Variants in TUSC3 observed in about 807,000 individuals in gnomAD.
TUSC3 encodes the protein dolichyl-diphosphooligosaccharide--protein glycosyltransferase subunit TUSC3.
In TUSC3, 45 loss-of-function variants were observed where a neutral mutation model predicts 44.8. The observed-to-expected ratio is 1.00, with a 90% CI of 0.79 to 1.29. The LOEUF (loss-of-function observed/expected upper bound fraction) is 1.29. Among genes scored for constraint, TUSC3 ranks in the 50% most tolerant of loss-of-function variants. The pLI is 0.00. For synonymous variants in TUSC3, 212 were observed against 152.9 expected, an observed-to-expected ratio of 1.39 and a Z score of -2.85; for missense variants, 519 against 437.9, an observed-to-expected ratio of 1.19 and a Z score of -1.65.
intron 2 of TUSC3, among the ~76,000 whole-genome samples, chr8:15,499,679 G>T (rs1410728407): frequency 6.6e-6 from 1 of 152,080 alleles, no homozygotes; most frequent in Non-Finnish European, 1.5e-5. Flanking sequence ...ATTATTCTGG[G>T]TGTGTCTGTG....
chr8:15,475,337 T>G (rs1425061459), intron 1 of TUSC3, among the ~76,000 whole-genome samples: 1 of 152,210 alleles, frequency 6.6e-6, no homozygotes, highest in East Asian at 1.9e-4. Context: ...GTTAATTTTC[T>G]ACACTGCATC....
chr8:15,688,794 C>G (rs1350244064), intron 6 of TUSC3: 1 of 153,496 alleles, frequency 6.5e-6, no homozygotes, highest in Admixed American at 6.5e-5. Context: ...ATGATCAGCT[C>G]TAAACACAAA....
chr8:15,799,823 C>G, the TUSC3 span, among the ~76,000 whole-genome samples: 1 of 152,132 alleles, frequency 6.6e-6, no homozygotes, highest in East Asian at 1.9e-4. Flanking sequence ...TCATGGATGT[C>G]GATAGACCTC....
intron 6 of TUSC3, among the ~76,000 whole-genome samples, chr8:15,719,866 C>G (rs1186259545): frequency 6.6e-6 from 1 of 152,132 alleles, no homozygotes; most frequent in South Asian, 2.1e-4. Flanking sequence ...AGATCCAAAT[C>G]ATTTGTGTAT....
At chr8:15,653,553 A>G (rs1807013559) in intron 3 of TUSC3, among the ~76,000 whole-genome samples, 1 of 152,170 alleles carries the variant, frequency 6.6e-6, no homozygotes, top group Non-Finnish European at 1.5e-5. Flanking sequence ...TAATTGAAAC[A>G]TTTTCTCAGG....
At chr8:15,422,676 G>T (rs1799752229) in intron 1 of TUSC3, among the ~76,000 whole-genome samples, 1 of 152,034 alleles carries the variant, frequency 6.6e-6, no homozygotes, top group Non-Finnish European at 1.5e-5. Flanking sequence ...TTTTGTGACA[G>T]GGTCTCACTC....
intron 9 of TUSC3, among the ~76,000 whole-genome samples, chr8:15,757,254 T>C (rs1449939709): frequency 6.6e-6 from 1 of 152,150 alleles, no homozygotes; most frequent in African/African-American, 2.4e-5. Context: ...GTGGCTTCCA[T>C]TGTCTTAAAA....
chr8:15,501,865 A>G (rs1029265445), intron 2 of TUSC3, among the ~76,000 whole-genome samples: 1 of 152,228 alleles, frequency 6.6e-6, no homozygotes, highest in Non-Finnish European at 1.5e-5. Context: ...ATTGTATTTG[A>G]AAAAGTATTT....
intron 6 of TUSC3, among the ~76,000 whole-genome samples, chr8:15,710,602 G>C (rs1333081750): frequency 6.6e-6 from 1 of 151,680 alleles, no homozygotes; most frequent in African/African-American, 2.4e-5. Flanking sequence ...TTATGTTCCA[G>C]AGGTTGGCTG....
intron 6 of TUSC3, among the ~76,000 whole-genome samples, chr8:15,683,404 G>T (rs1808502111): frequency 6.6e-6 from 1 of 152,016 alleles, no homozygotes; most frequent in African/African-American, 2.4e-5. Context: ...TTCAGGCTCT[G>T]AAATTGTTTC....
intron 1 of TUSC3, among the ~76,000 whole-genome samples, chr8:15,585,065 G>T (rs373077704): frequency 6.6e-6 from 1 of 152,134 alleles, no homozygotes; most frequent in East Asian, 1.9e-4. Context: ...TGAAATCATG[G>T]TTATGAAAGT....
At chr8:15,770,421 T>G (rs1163767486), downstream of TUSC3, among the ~76,000 whole-genome samples, 1 of 151,942 alleles carries the variant, frequency 6.6e-6, no homozygotes, top group East Asian at 1.9e-4. Flanking sequence ...GATCAGGGGC[T>G]GGGGAGAGAT....
intron 2 of TUSC3, among the ~76,000 whole-genome samples, chr8:15,631,926 C>A (rs1805785484): frequency 6.6e-6 from 1 of 152,070 alleles, no homozygotes; most frequent in Admixed American, 6.6e-5. Context: ...CCAGGCTGGT[C>A]TTGAACTCCT....
At chr8:15,772,006 G>A in the TUSC3 span, among the ~76,000 whole-genome samples, 4 of 151,888 alleles carry the variant, frequency 2.6e-5, no homozygotes, top group Non-Finnish European at 4.4e-5. Context: ...GGAGAATGGC[G>A]TGAACCCAGG....
rs567823835 is a variant in TUSC3, at chr8:15,542,266, A to G, written c.138+1698A>G. 1.2e-4 allele frequency among the ~76,000 whole-genome samples: 18 copies of G among 152,224 alleles called. 1 individual carries two copies. The highest frequency in any genetic ancestry group is 6.8e-3 in the Middle Eastern group (2 of 292). On this transcript the variant is annotated intron_variant, in intron 1 of 10. Coordinates refer to ENST00000503731, the MANE Select transcript of TUSC3 (RefSeq NM_006765.4). ...AAAGAATTGTTATTAATAGAAAGGA[A>G]TGTGGAGACCATGGTTTTATTAGCC...
intron 1 of TUSC3, among the ~76,000 whole-genome samples, chr8:15,481,760 C>A (rs534313064): frequency 6.6e-5 from 10 of 152,136 alleles, no homozygotes; most frequent in African/African-American, 2.4e-4. Flanking sequence ...CTAACAATTA[C>A]GTGAGCCTTC....
intron 1 of TUSC3, among the ~76,000 whole-genome samples, chr8:15,541,359 T>C (rs1337409107): frequency 2.0e-5 from 3 of 152,210 alleles, no homozygotes; most frequent in Admixed American, 2.0e-4. Context: ...TCAGCAAAAA[T>C]AGTTATTTCG....
At chr8:15,692,399 T>TG (rs1491291583) in intron 6 of TUSC3, among the ~76,000 whole-genome samples, 4 of 112,804 alleles carry the variant, frequency 3.5e-5, no homozygotes, top group Non-Finnish European at 7.2e-5. Flanking sequence ...TTTTTTTTTT[T>TG]GCAATAGTTT....
chr8:15,496,677 A>T (rs1261693295), intron 2 of TUSC3, among the ~76,000 whole-genome samples: 1 of 152,166 alleles, frequency 6.6e-6, no homozygotes. Context: ...AGAAACGCAT[A>T]TGCTGTCTTG....
Sources: allele counts gnomAD v4.1 joint callset (sites outside exome capture counted in the v4.1 genomes callset), GRCh38; gene constraint gnomAD v4.1.1; transcripts MANE v1.5; gene names NCBI Gene and HGNC (gene_info 2026-07-23, HGNC 2026-07-21).